EDA: variants seen among roughly 807,000 people sequenced by gnomAD.
EDA encodes the protein ectodysplasin A.
Under a neutral mutation model 23.6 loss-of-function variants are expected in EDA, and 2 were observed. The ratio of observed to expected loss-of-function variants is 0.08; its 90% CI spans 0.03 to 0.27. The LOEUF (loss-of-function observed/expected upper bound fraction) is 0.27, where lower values mean the gene tolerates loss of function less well. EDA is among the 10% of genes least tolerant of loss of function. The pLI, the probability that EDA is intolerant of heterozygous loss-of-function variation, is 1.00. For synonymous variants in EDA, 131 were observed against 132.0 expected (o/e 0.99, Z 0.05); for missense variants, 229 against 324.2 (o/e 0.71, Z 2.26).
intron 1 of EDA, among the ~76,000 whole-genome samples, chrX:69,727,144 A>C (rs892386735): frequency 6.3e-5 from 7 of 111,392 alleles, no homozygotes; most frequent in Non-Finnish European, 1.3e-4. Flanking sequence ...CTTCCCCCAG[A>C]GTTCGGCTGT....
At chrX:69,961,277 G>A (rs752252628) in intron 2 of EDA, among the ~76,000 whole-genome samples, 2 of 110,946 alleles carry the variant, frequency 1.8e-5, no homozygotes, top group East Asian at 2.8e-4. Context: ...ATCCAGCCTA[G>A]ACTTTCTTTC....
chrX:69,939,065 C>A lies in EDA; in HGVS notation c.397-17962C>A, dbSNP rs967893663. Among the ~76,000 whole-genome samples the A allele has an allele frequency of 2.7e-5, 3 of 111,625 alleles. No homozygotes were observed. The Admixed American group carries it at 2.8e-4, about 11-fold the overall frequency. On this transcript the variant is annotated intron_variant, in intron 1 of 7. Coordinates refer to ENST00000374552, the MANE Select transcript of EDA (RefSeq NM_001399.5). ...GTTTTGTTCTTTTTGCTCAGGATAG[C>A]TTTGGCTATTCTGGGTCTTTTGTGG...
intron 1 of EDA, among the ~76,000 whole-genome samples, chrX:69,682,896 A>G (rs1019312777): frequency 9.0e-6 from 1 of 111,329 alleles, no homozygotes; most frequent in Admixed American, 9.6e-5. Context: ...CTGCTCCTTG[A>G]GTTTAGTGTT....
At chrX:69,665,480 T>C (rs953316075) in intron 1 of EDA, among the ~76,000 whole-genome samples, 1 of 111,856 alleles carries the variant, frequency 8.9e-6, no homozygotes, top group Non-Finnish European at 1.9e-5. Context: ...TTTGAATTTA[T>C]TATGGTATAA....
chrX:69,709,364 C>T (rs1025064056), intron 1 of EDA, among the ~76,000 whole-genome samples: 1 of 111,711 alleles, frequency 9.0e-6, no homozygotes, highest in African/African-American at 3.2e-5. Context: ...TAGCATTTGG[C>T]TAGGGACCAT....
intron 2 of EDA, among the ~76,000 whole-genome samples, chrX:69,977,938 T>A (rs1602580527): frequency 9.0e-6 from 1 of 111,106 alleles, no homozygotes; most frequent in African/African-American, 3.3e-5. Context: ...ATCAGAAATA[T>A]ATCAGAAAGT....
At chrX:69,691,620 A>T (rs1212812920) in intron 1 of EDA, among the ~76,000 whole-genome samples, 3 of 111,618 alleles carry the variant, frequency 2.7e-5, no homozygotes, top group Non-Finnish European at 3.8e-5. Flanking sequence ...CATGCTCTGT[A>T]TTATTTTCAT....
intron 1 of EDA, among the ~76,000 whole-genome samples, chrX:69,723,291 T>C (rs145224124): frequency 0.022 from 2,486 of 112,042 alleles, 54 homozygotes; most frequent in African/African-American, 0.077. Context: ...ATACTTACCT[T>C]GTGTGGGTAC....
intron 1 of EDA, among the ~76,000 whole-genome samples, chrX:69,639,784 A>AT (rs1932820216): frequency 8.9e-6 from 1 of 111,764 alleles, no homozygotes; most frequent in Non-Finnish European, 1.9e-5. Flanking sequence ...CAATTTATCT[A>AT]TTTTTTGTGT....
intron 1 of EDA, among the ~76,000 whole-genome samples, chrX:69,679,431 G>A (rs894955763): frequency 2.7e-5 from 3 of 111,311 alleles, no homozygotes; most frequent in South Asian, 7.7e-4. Context: ...GGTAGAATTC[G>A]GCTGTGAATC....
chrX:69,819,917 A>C (rs1394227381), intron 1 of EDA, among the ~76,000 whole-genome samples: 1 of 110,144 alleles, frequency 9.1e-6, no homozygotes, highest in Non-Finnish European at 1.9e-5. Flanking sequence ...AAAAAAACAA[A>C]AAACACCCAA....
At chrX:69,853,433 A>G (rs761991719) in intron 1 of EDA, among the ~76,000 whole-genome samples, 2 of 111,799 alleles carry the variant, frequency 1.8e-5, no homozygotes, top group East Asian at 5.6e-4. Context: ...CATGTGTTTA[A>G]TTGGAGTTCC....
intron 1 of EDA, among the ~76,000 whole-genome samples, chrX:69,665,675 A>G (rs1933659238): frequency 9.0e-6 from 1 of 111,123 alleles, no homozygotes; most frequent in African/African-American, 3.3e-5. Flanking sequence ...GTCTGTTTTT[A>G]TGCCAGAACA....
At chrX:69,686,373 C>T (rs1174213528) in intron 1 of EDA, among the ~76,000 whole-genome samples, 1 of 111,993 alleles carries the variant, frequency 8.9e-6, no homozygotes, top group East Asian at 2.8e-4. Flanking sequence ...GGTGTCCCTG[C>T]CTTAATCCAT....
In EDA at chrX:69,862,631, G is replaced by C. The variant is rs188549430; in HGVS notation, c.397-94396G>C. Among the ~76,000 whole-genome samples, 277 of 110,560 alleles carry C rather than the reference G, an allele frequency of 2.5e-3. 11 individuals are homozygous for C. The South Asian group carries it at 0.086, about 34-fold the overall frequency. ...AGCTATTTTATTTTATTTTTTTGTA[G>C]AATCAGGATCTCTCTATGTTGCCCA... On this transcript the variant is annotated intron_variant, in intron 1 of 7. Transcript: ENST00000374552.
At position 69,992,778 on chromosome X, in the gene EDA, A is replaced by G. The variant is rs755331802; in HGVS notation, c.503-30440A>G. 2.1e-3 allele frequency among the ~76,000 whole-genome samples: 231 copies of G among 111,892 alleles called. 1 individual carries two copies. Among genetic ancestry groups the G allele is most frequent in the Non-Finnish European group, 2.5e-3 (133 of 53,155 alleles). On this transcript the variant is annotated intron_variant, in intron 2 of 7. Coordinates refer to ENST00000374552, the MANE Select transcript of EDA (RefSeq NM_001399.5). ...TTGCCAAAAATGTGTGAGATGTTTC[A>G]TTTTGCCACATTTTCACCAAAATTT... is the stretch of plus-strand genomic sequence containing the variant.
intron 1 of EDA, among the ~76,000 whole-genome samples, chrX:69,728,326 G>GA (rs1335137873): frequency 9.0e-6 from 1 of 111,593 alleles, no homozygotes; most frequent in Non-Finnish European, 1.9e-5. Flanking sequence ...TGTTGTAGGG[G>GA]AATCATACGA....
intron 1 of EDA, among the ~76,000 whole-genome samples, chrX:69,761,680 G>A: frequency 9.0e-6 from 1 of 111,390 alleles, no homozygotes; most frequent in South Asian, 3.8e-4. Flanking sequence ...GTTCTACTGG[G>A]GACATTTGAT....
At chrX:69,845,153 G>A (rs984130997) in intron 1 of EDA, among the ~76,000 whole-genome samples, 2 of 112,446 alleles carry the variant, frequency 1.8e-5, no homozygotes, top group African/African-American at 6.5e-5. Context: ...ATAGTTGAAG[G>A]AGAAAAAACA....
Sources: allele counts gnomAD v4.1 joint callset (sites outside exome capture counted in the v4.1 genomes callset), GRCh38; gene constraint gnomAD v4.1.1; transcripts MANE v1.5; gene names NCBI Gene and HGNC (gene_info 2026-07-23, HGNC 2026-07-21).